The following CNTNAP5 variants were observed in gnomAD, a reference collection of about 807,000 sequenced individuals.
The protein encoded by CNTNAP5 is contactin-associated protein-like 5.
Under a neutral mutation model 150.2 loss-of-function variants are expected in CNTNAP5, and 72 were observed. That is an observed-to-expected ratio of 0.48 (90% CI 0.40 to 0.58). CNTNAP5 has a LOEUF of 0.58. CNTNAP5 is among the 20% of genes least tolerant of loss of function. The pLI, the probability that CNTNAP5 is intolerant of heterozygous loss-of-function variation, is 0.00. For synonymous variants in CNTNAP5, 672 were observed against 619.8 expected (o/e 1.08, Z -1.25); for missense variants, 1,636 against 1,626.2 (o/e 1.01, Z -0.10).
intron 3 of CNTNAP5, among the ~76,000 whole-genome samples, chr2:124,362,013 G>T (rs879778610): frequency 2.0e-5 from 3 of 152,246 alleles, no homozygotes; most frequent in Non-Finnish European, 4.4e-5. Flanking sequence ...ATCTTGTGGT[G>T]CGCCGTTTTT....
chr2:124,302,916 A>G (rs948551058), intron 3 of CNTNAP5, among the ~76,000 whole-genome samples: 2 of 152,178 alleles, frequency 1.3e-5, no homozygotes, highest in African/African-American at 4.8e-5. Flanking sequence ...TGGATCTTGC[A>G]TGTTTACTGC....
rs1347100994 is a variant in CNTNAP5, at chr2:124,917,477, CAT to C, written c.*3192_*3193del. The stretch of plus-strand genomic sequence containing the variant: ...AATAGACATTTGTCATTTCTATAGA[CAT>C]ATTTTTATGACTAACTTTGCCTCTT... On this transcript the variant is annotated 3_prime_UTR_variant, in exon 24 of 24. Coordinates refer to ENST00000682447, the MANE Select transcript of CNTNAP5 (RefSeq NM_001367498.1). Among the ~76,000 whole-genome samples the C allele has an allele frequency of 6.6e-6, 1 of 151,994 alleles. No homozygotes were observed. Among genetic ancestry groups the C allele is most frequent in the Non-Finnish European group, 1.5e-5 (1 of 67,976 alleles).
chr2:124,217,695 G>A (rs569018091), intron 1 of CNTNAP5, among the ~76,000 whole-genome samples: 2 of 152,156 alleles, frequency 1.3e-5, no homozygotes, highest in African/African-American at 4.8e-5. Flanking sequence ...TTGTGGAAGA[G>A]AAAAAAGATC....
At chr2:124,522,033 C>G (rs1032600854) in intron 8 of CNTNAP5, among the ~76,000 whole-genome samples, 9 of 152,184 alleles carry the variant, frequency 5.9e-5, no homozygotes, top group South Asian at 2.1e-4. Context: ...AGAGATCTGG[C>G]TGAAAACACA....
At chr2:124,734,313 A>G (rs1680336678) in intron 13 of CNTNAP5, among the ~76,000 whole-genome samples, 1 of 152,104 alleles carries the variant, frequency 6.6e-6, no homozygotes, top group Admixed American at 6.6e-5. Flanking sequence ...TCCCATGGAA[A>G]CAAATGAAAA....
intron 7 of CNTNAP5, among the ~76,000 whole-genome samples, chr2:124,478,310 T>G (rs1019733585): frequency 3.3e-5 from 5 of 152,174 alleles, no homozygotes; most frequent in African/African-American, 1.2e-4. Flanking sequence ...CCTTGGGGTT[T>G]AATTGGCAGT....
chr2:124,508,546 G>A (rs373663750), intron 8 of CNTNAP5, among the ~76,000 whole-genome samples: 113 of 152,252 alleles, frequency 7.4e-4, no homozygotes, highest in African/African-American at 2.1e-3. Context: ...ATTGTTAAGC[G>A]CACGTCAGTC....
intron 3 of CNTNAP5, among the ~76,000 whole-genome samples, chr2:124,286,821 C>A (rs1265686968): frequency 6.6e-6 from 1 of 152,176 alleles, no homozygotes; most frequent in African/African-American, 2.4e-5. Flanking sequence ...TCTCTTTCAG[C>A]AGCTCCCGTT....
intron 3 of CNTNAP5, among the ~76,000 whole-genome samples, chr2:124,414,330 G>A (rs1305159817): frequency 6.6e-6 from 1 of 152,072 alleles, no homozygotes; most frequent in Non-Finnish European, 1.5e-5. Flanking sequence ...GGGGCTGATT[G>A]TAGCTTTGTT....
At chr2:124,322,001 T>C (rs1465578863) in intron 3 of CNTNAP5, among the ~76,000 whole-genome samples, 3 of 151,806 alleles carry the variant, frequency 2.0e-5, no homozygotes, top group South Asian at 2.1e-4. Context: ...AAGGCAAAAA[T>C]TAGCAGAGCA....
chr2:124,824,968 T>C (rs1360591307), intron 19 of CNTNAP5, among the ~76,000 whole-genome samples: 1 of 152,220 alleles, frequency 6.6e-6, no homozygotes, highest in Non-Finnish European at 1.5e-5. Flanking sequence ...CAGTCCACCC[T>C]TTTATTCCTC....
At chr2:124,854,225 G>A (rs892596909) in intron 19 of CNTNAP5, among the ~76,000 whole-genome samples, 5 of 151,882 alleles carry the variant, frequency 3.3e-5, no homozygotes, top group African/African-American at 4.8e-5. Flanking sequence ...CTGCTTATAC[G>A]TCCATTCCTC....
In CNTNAP5 at chr2:124,662,426, C is replaced by T. The variant is rs574379362; in HGVS notation, c.2077+14468C>T. Reference sequence around the variant, plus strand: ...CTCCATTATAATCTTATGGGGCCACCCTTGTACATGAGATCTGTTGTTGAC... The same window carrying T: ...CTCCATTATAATCTTATGGGGCCACTCTTGTACATGAGATCTGTTGTTGAC... On this transcript the variant is annotated intron_variant, in intron 13 of 23. Coordinates refer to ENST00000682447, the MANE Select transcript of CNTNAP5 (RefSeq NM_001367498.1). Among the ~76,000 whole-genome samples the T allele has an allele frequency of 6.6e-5, 10 of 152,198 alleles. No individual in the cohort carries two copies. The East Asian group carries it at 1.7e-3, about 26-fold the overall frequency.
intron 13 of CNTNAP5, among the ~76,000 whole-genome samples, chr2:124,745,064 G>A (rs1680577219): frequency 2.0e-5 from 3 of 152,016 alleles, no homozygotes; most frequent in African/African-American, 7.3e-5. Flanking sequence ...GGCCAAAGCG[G>A]TGCAAGATGT....
intron 1 of CNTNAP5, among the ~76,000 whole-genome samples, chr2:124,142,123 C>T (rs866677465): frequency 0.022 from 3,027 of 139,774 alleles, 31 homozygotes; most frequent in African/African-American, 0.03. Context: ...AATACAGGAG[C>T]ACCCAGATTC....
intron 11 of CNTNAP5, among the ~76,000 whole-genome samples, chr2:124,609,231 AG>A (rs1677318643): frequency 1.3e-5 from 2 of 152,178 alleles, no homozygotes; most frequent in African/African-American, 4.8e-5. Flanking sequence ...GTAAGAGGTG[AG>A]GGGCCACATT....
At chr2:124,802,090 T>A (rs2104646646) in intron 19 of CNTNAP5, among the ~76,000 whole-genome samples, 1 of 152,294 alleles carries the variant, frequency 6.6e-6, no homozygotes, top group African/African-American at 2.4e-5. Flanking sequence ...CCATTTTGCT[T>A]TCTCCAAATA....
chr2:124,663,537 A>G (rs1678636235), intron 13 of CNTNAP5, among the ~76,000 whole-genome samples: 1 of 152,194 alleles, frequency 6.6e-6, no homozygotes, highest in Non-Finnish European at 1.5e-5. Context: ...TAGAAAGGAT[A>G]AAACATTAGG....
intron 13 of CNTNAP5, among the ~76,000 whole-genome samples, chr2:124,650,854 A>AT (rs141965915): frequency 6.6e-6 from 1 of 152,086 alleles, no homozygotes; most frequent in East Asian, 1.9e-4. Context: ...GATTGTTTCC[A>AT]TTTTTTTCTC....
Sources: allele counts gnomAD v4.1 joint callset (sites outside exome capture counted in the v4.1 genomes callset), GRCh38; gene constraint gnomAD v4.1.1; transcripts MANE v1.5; gene names NCBI Gene and HGNC (gene_info 2026-07-23, HGNC 2026-07-21).